The following PRDM16 variants were observed in gnomAD, a reference collection of about 807,000 sequenced individuals.
PRDM16 encodes histone-lysine N-methyltransferase PRDM16.
A neutral mutation model predicts 110.6 loss-of-function variants in PRDM16; 23 were observed. That is an observed-to-expected ratio of 0.21 (90% CI 0.15 to 0.29). The LOEUF (loss-of-function observed/expected upper bound fraction) is 0.29, where lower values mean the gene tolerates loss of function less well. PRDM16 is among the 10% of genes least tolerant of loss of function. The pLI, the probability that PRDM16 is intolerant of heterozygous loss-of-function variation, is 1.00. For missense variants in PRDM16, 1,615 were observed against 1,794.3 expected (o/e 0.90, Z 1.81); for synonymous variants, 799 against 781.8 (o/e 1.02, Z -0.37).
intron 3 of PRDM16, among the ~76,000 whole-genome samples, chr1:3,362,016 G>T (rs928518841): frequency 6.6e-6 from 1 of 152,182 alleles, no homozygotes; most frequent in Non-Finnish European, 1.5e-5. Flanking sequence ...AGGAGGGCAG[G>T]TGGTGAGAAG....
intron 1 of PRDM16, among the ~76,000 whole-genome samples, chr1:3,177,811 G>A (rs892207506): frequency 2.0e-5 from 3 of 152,332 alleles, no homozygotes; most frequent in East Asian, 3.9e-4. Context: ...GCATTTATAT[G>A]TTGGCCTGAA....
In PRDM16 at chr1:3,290,195, A is replaced by C. The variant is rs865927383; in HGVS notation, c.438+46058A>C. On this transcript the variant is annotated intron_variant, in intron 3 of 16. Transcript: ENST00000270722. This position sits in a 1 kb window ranked among gnomAD's most constrained non-coding sequence, Gnocchi z 4.8. ...TACGACTCCAAGGCTGGCCCGGCAC[A>C]GGGGCTCCCCTTGAGGTGGGCAGGT... is the stretch of plus-strand genomic sequence containing the variant. 6.6e-6 allele frequency among the ~76,000 whole-genome samples: 1 copy of C among 152,230 alleles called. No individual in the cohort carries two copies. Among genetic ancestry groups the C allele is most frequent in the South Asian group, 2.1e-4 (1 of 4,802 alleles).
At chr1:3,082,512 G>C (rs1193172934) in intron 1 of PRDM16, among the ~76,000 whole-genome samples, 5 of 152,232 alleles carry the variant, frequency 3.3e-5, no homozygotes, top group Non-Finnish European at 7.3e-5. Flanking sequence ...GGTGTTCAGA[G>C]ATGGGGTTCC....
chr1:3,305,939 C>T (rs781646823), intron 3 of PRDM16, among the ~76,000 whole-genome samples: 8 of 152,268 alleles, frequency 5.3e-5, no homozygotes, highest in Non-Finnish European at 1.0e-4. Flanking sequence ...GCCTGGGCCC[C>T]AGTGACACTC....
intron 1 of PRDM16, among the ~76,000 whole-genome samples, chr1:3,102,179 G>C (rs1570251140): frequency 2.0e-5 from 3 of 152,170 alleles, no homozygotes; most frequent in Admixed American, 2.0e-4. Flanking sequence ...GAGAGGGTGG[G>C]CAGTGAGTCC....
At position 3,244,991 on chromosome 1, in the gene PRDM16, C is replaced by T. The variant is rs552577105; in HGVS notation, c.438+854C>T. Among the ~76,000 whole-genome samples the T allele has an allele frequency of 2.6e-3, 400 of 152,256 alleles. No homozygotes were observed. Among genetic ancestry groups the T allele is most frequent in the Non-Finnish European group, 4.3e-3 (291 of 68,026 alleles). ...ATTAAAGTAACAGTCTCTCGCTTGG[C>T]ATCTTTGCTTTAAAGCAAGATAAAA... On this transcript the variant is annotated intron_variant, in intron 3 of 16. Coordinates refer to ENST00000270722, the MANE Select transcript of PRDM16 (RefSeq NM_022114.4). The surrounding 1 kb of genome is among the most constrained non-coding windows in gnomAD (Gnocchi z 4.1).
At chr1:3,219,594 T>A (rs1639106659) in intron 2 of PRDM16, among the ~76,000 whole-genome samples, 1 of 152,200 alleles carries the variant, frequency 6.6e-6, no homozygotes, top group Non-Finnish European at 1.5e-5. Context: ...CTGTCTGCAG[T>A]GTTCGGGAAC....
chr1:3,422,584 G>A (rs1638470529), intron 12 of PRDM16, among the ~76,000 whole-genome samples: 1 of 152,224 alleles, frequency 6.6e-6, no homozygotes, highest in Non-Finnish European at 1.5e-5. Context: ...CCAGGGCCAG[G>A]CACCACCATT....
chr1:3,381,779 C>T (rs1278076855), intron 3 of PRDM16, among the ~76,000 whole-genome samples: 2 of 152,202 alleles, frequency 1.3e-5, no homozygotes, highest in Non-Finnish European at 1.5e-5. Context: ...TTCTCCCTGG[C>T]CCCTGTACCA....
intron 1 of PRDM16, among the ~76,000 whole-genome samples, chr1:3,141,949 G>A (rs1279347658): frequency 6.6e-6 from 1 of 152,272 alleles, no homozygotes; most frequent in Non-Finnish European, 1.5e-5. Flanking sequence ...CCTCAGGCCT[G>A]CCTGGAACGA....
rs1640028757 is a variant in PRDM16 at position 3,255,728 on chromosome 1, T to C, written c.438+11591T>C. 6.6e-6 allele frequency among the ~76,000 whole-genome samples: 1 copy of C among 151,830 alleles called. No individual in the cohort carries two copies. The highest frequency in any genetic ancestry group is 2.4e-5 in the African/African-American group (1 of 41,304). ...CTTGGATGCCAGAGCTATCTGGGAG[T>C]TGTGAAATATTCCTGGTGGCAGCAG... On this transcript the variant is annotated intron_variant, in intron 3 of 16. Coordinates refer to ENST00000270722, the MANE Select transcript of PRDM16 (RefSeq NM_022114.4). This position sits in a 1 kb window ranked among gnomAD's most constrained non-coding sequence, Gnocchi z 4.7.
rs1638824520 is a variant in PRDM16, at chr1:3,209,298, G to A, written c.387+22824G>A. Among the ~76,000 whole-genome samples, 1 of 152,238 alleles carries A rather than the reference G, an allele frequency of 6.6e-6. No homozygotes were observed. The highest frequency in any genetic ancestry group is 1.5e-5 in the Non-Finnish European group (1 of 68,046). On this transcript the variant is annotated intron_variant, in intron 2 of 16. Coordinates refer to ENST00000270722, the MANE Select transcript of PRDM16 (RefSeq NM_022114.4). The surrounding 1 kb of genome is among the most constrained non-coding windows in gnomAD (Gnocchi z 4.6). ...TTACTAAGCACGGTCACGCTGAACA[G>A]TAACTGTGGGCAGGGACAGCACTGC...
At chr1:3,238,575 C>T (rs1639590411) in intron 2 of PRDM16, among the ~76,000 whole-genome samples, 1 of 152,222 alleles carries the variant, frequency 6.6e-6, no homozygotes, top group Non-Finnish European at 1.5e-5. Flanking sequence ...TTTGTGTCAA[C>T]ACCAGTGCAG....
At chr1:3,417,609 A>G (rs1003219690) in intron 10 of PRDM16, among the ~76,000 whole-genome samples, 8 of 152,336 alleles carry the variant, frequency 5.3e-5, no homozygotes, top group Admixed American at 4.6e-4. Flanking sequence ...TTAAACTACA[A>G]ACGAGGGACT....
At chr1:3,139,689 G>C (rs12060265) in intron 1 of PRDM16, among the ~76,000 whole-genome samples, 31,158 of 152,248 alleles carry the variant, frequency 0.2, 3,753 homozygotes, top group East Asian at 0.45. Context: ...AGAGAACTTT[G>C]TGAGAGCTGT....
rs1644077907 is a variant in PRDM16 at position 3,175,774 on chromosome 1, G to T, written c.38-10351G>T. ...CAGCCCTTTCTCCGAGGCAGGGCCT[G>T]GCTGAGAAAGCCCAGACGTTCCTCT... On this transcript the variant is annotated intron_variant, in intron 1 of 16. Coordinates refer to ENST00000270722, the MANE Select transcript of PRDM16 (RefSeq NM_022114.4). This position sits in a 1 kb window ranked among gnomAD's most constrained non-coding sequence, Gnocchi z 4.8. Among the ~76,000 whole-genome samples, 1 of 152,164 alleles carries T rather than the reference G, an allele frequency of 6.6e-6. No homozygotes were observed. Among genetic ancestry groups the T allele is most frequent in the Non-Finnish European group, 1.5e-5 (1 of 68,036 alleles).
intron 3 of PRDM16, among the ~76,000 whole-genome samples, chr1:3,369,743 T>C (rs1488451653): frequency 6.6e-6 from 1 of 152,262 alleles, no homozygotes; most frequent in African/African-American, 2.4e-5. Flanking sequence ...TATGCACGCA[T>C]ACCTGGGCCT....
chr1:3,257,553 G>C (rs1016164122), intron 3 of PRDM16, among the ~76,000 whole-genome samples: 4 of 147,844 alleles, frequency 2.7e-5, no homozygotes, highest in Non-Finnish European at 5.9e-5. Flanking sequence ...TTGTTACTTG[G>C]TTAAGACAAT....
intron 1 of PRDM16, among the ~76,000 whole-genome samples, chr1:3,184,397 CG>C (rs1244077486): frequency 6.6e-6 from 1 of 152,090 alleles, no homozygotes; most frequent in Non-Finnish European, 1.5e-5. Context: ...GGGTGCGGGG[CG>C]GGGGCCGGGA....
Sources: allele counts gnomAD v4.1 joint callset (sites outside exome capture counted in the v4.1 genomes callset), GRCh38; gene constraint gnomAD v4.1.1; non-coding constraint Gnocchi (gnomAD v3.1); transcripts MANE v1.5; gene names NCBI Gene and HGNC (gene_info 2026-07-23, HGNC 2026-07-21).